The following GALNT2 variants were observed in gnomAD, a reference collection of about 807,000 sequenced individuals.
GALNT2 encodes the protein UDP-GalNAc:polypeptide N-acetylgalactosaminyltransferase 2.
Under a neutral mutation model 81.4 loss-of-function variants are expected in GALNT2, and 31 were observed. That is an observed-to-expected ratio of 0.38 (90% CI 0.29 to 0.51). The LOEUF (loss-of-function observed/expected upper bound fraction) is 0.51, where lower values mean the gene tolerates loss of function less well. Among genes scored for constraint, GALNT2 ranks in the 20% least tolerant of loss-of-function variants. GALNT2 has a pLI of 0.87. For missense variants in GALNT2, 629 were observed against 765.7 expected (o/e 0.82, Z 2.11); for synonymous variants, 303 against 287.4 (o/e 1.05, Z -0.55).
At chr1:230,209,337 G>C (rs977529718) in intron 3 of GALNT2, among the ~76,000 whole-genome samples, 1 of 123,600 alleles carries the variant, frequency 8.1e-6, no homozygotes, top group Non-Finnish European at 1.7e-5. Context: ...TAAGGTTAGA[G>C]GAGGTCCTAA....
chr1:230,245,333 G>A (rs1665332888), intron 7 of GALNT2, among the ~76,000 whole-genome samples: 1 of 152,044 alleles, frequency 6.6e-6, no homozygotes, highest in African/African-American at 2.4e-5. Context: ...GCGTGGTGGT[G>A]CATATCTGTA....
intron 13 of GALNT2, chr1:230,264,093 G>A (rs1213166059): frequency 6.6e-6 from 1 of 152,274 alleles, no homozygotes; most frequent in African/African-American, 2.4e-5. Context: ...GCACCAGATG[G>A]TCACCAGCGA....
intron 1 of GALNT2, among the ~76,000 whole-genome samples, chr1:230,111,958 T>C (rs1200427397): frequency 6.6e-6 from 1 of 151,916 alleles, no homozygotes; most frequent in Admixed American, 6.6e-5. Flanking sequence ...AAGATCCTCT[T>C]GATTGCAAGC....
At chr1:230,066,629 C>T (rs1659188101), upstream of GALNT2, among the ~76,000 whole-genome samples, 1 of 152,234 alleles carries the variant, frequency 6.6e-6, no homozygotes, top group Non-Finnish European at 1.5e-5. Context: ...AAGTCGGGTT[C>T]AAGCGGGCGG....
intron 1 of GALNT2, among the ~76,000 whole-genome samples, chr1:230,157,376 T>C (rs1662291169): frequency 6.6e-6 from 1 of 152,176 alleles, no homozygotes; most frequent in African/African-American, 2.4e-5. Context: ...GGAACTCTTA[T>C]CCCTTGCCAG....
At chr1:230,214,624 TG>T (rs1333612606) in intron 3 of GALNT2, among the ~76,000 whole-genome samples, 1 of 152,260 alleles carries the variant, frequency 6.6e-6, no homozygotes, top group African/African-American at 2.4e-5. Flanking sequence ...TGCCATAATA[TG>T]CCTAGCAGTT....
chr1:230,237,049 AT>A (rs1315824645), intron 6 of GALNT2, among the ~76,000 whole-genome samples: 1 of 152,254 alleles, frequency 6.6e-6, no homozygotes, highest in African/African-American at 2.4e-5. Flanking sequence ...AGATTTAGCA[AT>A]AAGAAGTTGA....
At chr1:230,115,459 C>T (rs1014807716) in intron 1 of GALNT2, among the ~76,000 whole-genome samples, 8 of 152,240 alleles carry the variant, frequency 5.3e-5, no homozygotes, top group African/African-American at 1.7e-4. Flanking sequence ...ACTGTATTGC[C>T]GTCTGTGAAT....
intron 1 of GALNT2, among the ~76,000 whole-genome samples, chr1:230,134,118 T>C (rs937534383): frequency 6.7e-6 from 1 of 148,604 alleles, no homozygotes; most frequent in African/African-American, 2.5e-5. Context: ...ATCTGTTTTT[T>C]TTTTTTTTTT....
chr1:230,168,538 AGAGG>A (rs1662686119), intron 1 of GALNT2, among the ~76,000 whole-genome samples: 2 of 152,236 alleles, frequency 1.3e-5, no homozygotes, highest in Admixed American at 1.3e-4. Context: ...TCTTGAACGA[AGAGG>A]GAGGCAAGAG....
chr1:230,133,792 G>A (rs112507451), intron 1 of GALNT2, among the ~76,000 whole-genome samples: 2 of 152,110 alleles, frequency 1.3e-5, no homozygotes, highest in African/African-American at 4.8e-5. Flanking sequence ...ACTGAAAAGT[G>A]TCTCATGTGT....
chr1:230,248,335 T>C (rs1226218348), intron 8 of GALNT2, among the ~76,000 whole-genome samples: 2 of 152,172 alleles, frequency 1.3e-5, no homozygotes, highest in Admixed American at 6.5e-5. Context: ...CTAGAGTCAT[T>C]AGGTTTTGCT....
chr1:230,063,040 C>T (rs555854260), upstream of GALNT2, among the ~76,000 whole-genome samples: 17 of 152,072 alleles, frequency 1.1e-4, no homozygotes, highest in East Asian at 1.2e-3. Flanking sequence ...AGGCTGGGCG[C>T]GGTGGCTCAC....
In GALNT2 at chr1:230,088,114, G is replaced by C. The variant is rs575597978; in HGVS notation, c.126+20708G>C. 1.5e-4 allele frequency among the ~76,000 whole-genome samples: 22 copies of C among 151,424 alleles called. No individual in the cohort carries two copies. The Middle Eastern group carries it at 0.014, about 94-fold the overall frequency. On this transcript the variant is annotated intron_variant, in intron 1 of 15. Transcript: ENST00000366672. ...TTTTGCTTTATTTAACAATTTTTGG[G>C]GTAAAAACCATGTAACATAAAGTTT... is the stretch of plus-strand genomic sequence containing the variant.
chr1:230,088,955 T>C (rs1483727597), intron 1 of GALNT2, among the ~76,000 whole-genome samples: 1 of 152,234 alleles, frequency 6.6e-6, no homozygotes, highest in African/African-American at 2.4e-5. Flanking sequence ...TTTCTGCGTC[T>C]GTGGATTTAT....
At chr1:230,276,365 T>G (rs115662751) in intron 15 of GALNT2, among the ~76,000 whole-genome samples, 6,487 of 152,074 alleles carry the variant, frequency 0.043, 180 homozygotes, top group Middle Eastern at 0.071. Flanking sequence ...ATACTTGGAG[T>G]GCCTGCCCCT....
intron 10 of GALNT2, among the ~76,000 whole-genome samples, chr1:230,251,197 G>C (rs2102749084): frequency 6.6e-6 from 1 of 152,188 alleles, no homozygotes; most frequent in East Asian, 1.9e-4. Context: ...GTTTGGAGTG[G>C]GGGAGATCTT....
At chr1:230,186,848 G>A (rs945564709) in intron 2 of GALNT2, among the ~76,000 whole-genome samples, 3 of 152,160 alleles carry the variant, frequency 2.0e-5, no homozygotes, top group African/African-American at 7.2e-5. Flanking sequence ...TTTGCCAAAG[G>A]GCTTTCTTTC....
At chr1:230,250,436 C>G (rs373536393) in intron 9 of GALNT2, 21 bp from the exon 10 acceptor site, 8 of 1,599,942 alleles carry the variant, frequency 5.0e-6, no homozygotes, top group East Asian at 4.5e-5. Context: ...TCCCTCCCCC[C>G]TCTTCTTTCT....
Sources: allele counts gnomAD v4.1 joint callset (sites outside exome capture counted in the v4.1 genomes callset), GRCh38; gene constraint gnomAD v4.1.1; transcripts MANE v1.5; gene names NCBI Gene and HGNC (gene_info 2026-07-23, HGNC 2026-07-21).